LOXL1: variants seen among roughly 807,000 people sequenced by gnomAD.
The protein encoded by LOXL1 is lysyl oxidase like 1.
Under a neutral mutation model 62.2 loss-of-function variants are expected in LOXL1, and 31 were observed. The observed-to-expected ratio is 0.50, with a 90% confidence interval of 0.37 to 0.67. The LOEUF is 0.67. Among genes scored for constraint, LOXL1 ranks in the 30% least tolerant of loss-of-function variants. The probability of loss-of-function intolerance (pLI) is 0.00; values close to 1 mark genes in which losing one functional copy is unlikely to be tolerated. For missense variants in LOXL1, 775 were observed against 843.4 expected (o/e 0.92, Z 1.00); for synonymous variants, 403 against 384.4 (o/e 1.05, Z -0.56).
chr15:73,933,821 C>T (rs1002049639), intron 1 of LOXL1, among the ~76,000 whole-genome samples: 2 of 152,266 alleles, frequency 1.3e-5, no homozygotes, highest in Admixed American at 6.5e-5. Context: ...TGCAGAAGAG[C>T]AGTCAGGGTT....
chr15:73,927,234 C>G lies in LOXL1; in HGVS notation c.451C>G (p.His151Asp). 6.3e-7 allele frequency: 1 copy of G among 1,597,792 alleles called. No individual in the cohort carries two copies. Among genetic ancestry groups the G allele is most frequent in the Non-Finnish European group, 8.5e-7 (1 of 1,176,714 alleles). Reference sequence around the variant, plus strand: ...CCGCACCTCCGTCTCCCAGCAACGGCACGGGGGCTCCGCCTCCTCGGTCTC... The same window carrying G: ...CCGCACCTCCGTCTCCCAGCAACGGGACGGGGGCTCCGCCTCCTCGGTCTC... The part of the protein sequence containing the change: ...RARTSVSQQR[H>D]GGSASSVSAS... The change falls in exon 1 of 7, where the codon CAC (histidine) becomes GAC (aspartate). Residue 151 changes from histidine to aspartate, a missense_variant. His to Asp is a moderately conservative substitution (Grantham distance 81, BLOSUM62 -1). Transcript: ENST00000261921.
intron 1 of LOXL1, among the ~76,000 whole-genome samples, chr15:73,941,575 C>A (rs1414787693): frequency 6.6e-6 from 1 of 152,226 alleles, no homozygotes; most frequent in African/African-American, 2.4e-5. Context: ...TTCCTGAATC[C>A]CTCAAGAGCA....
rs1484217335 is a variant in LOXL1 at position 73,940,360 on chromosome 15, G to T, written c.1103-2494G>T. Among the ~76,000 whole-genome samples, 3 of 151,848 alleles carry T rather than the reference G, an allele frequency of 2.0e-5. No individual in the cohort carries two copies. In the East Asian group the frequency reaches 5.8e-4, roughly 29 times the overall value. The stretch of plus-strand genomic sequence containing the variant: ...TCTCTCTTCCAATTCTCCACATGCA[G>T]TACTCTACAAATGCCCCTCCTCCAT... On this transcript the variant is annotated intron_variant, in intron 1 of 6. Transcript: ENST00000261921.
At chr15:73,938,926 A>G (rs1370752258) in intron 1 of LOXL1, among the ~76,000 whole-genome samples, 2 of 152,092 alleles carry the variant, frequency 1.3e-5, no homozygotes, top group African/African-American at 4.8e-5. Flanking sequence ...CTGGATATGT[A>G]CCTTCACCAG....
chr15:73,942,936 T>C lies in LOXL1; in HGVS notation c.1185T>C (p.Cys395=). The C allele has an allele frequency of 6.2e-7, 1 of 1,613,872 alleles. No individual in the cohort carries two copies. The highest frequency in any genetic ancestry group is 8.5e-7 in the Non-Finnish European group (1 of 1,179,774). Residue 395 remains cysteine (C), a synonymous_variant, in exon 2 of 7, where the codon TGT becomes TGC. Coordinates refer to ENST00000261921, the MANE Select transcript of LOXL1 (RefSeq NM_005576.4). The part of the protein sequence containing the change: ...VQRAHLYSLR[C]AAEEKCLAST... ...GAGCCCACCTGTACTCCCTGCGCTG[T>C]GCTGCGGAGGAGAAGTGTCTGGCCA...
chr15:73,926,817 G>A lies in LOXL1; in HGVS notation c.34G>A (p.Ala12Thr), dbSNP rs769399676. ...GGCCCGAGGCAGCCGGCAGCTGGGG[G>A]CCCTGGTGTGGGGCGCCTGCCTGTG... is the stretch of plus-strand genomic sequence containing the variant. Reference protein sequence around the residue: ...ALARGSRQLGALVWGACLCVL... With the variant: ...ALARGSRQLGTLVWGACLCVL... The change falls in exon 1 of 7, where the codon GCC becomes ACC. Residue 12 changes from alanine (A) to threonine (T), a missense_variant. Coordinates refer to ENST00000261921, the MANE Select transcript of LOXL1 (RefSeq NM_005576.4). The A allele has an allele frequency of 3.5e-5, 53 of 1,504,130 alleles. No homozygotes were observed. The highest frequency in any genetic ancestry group is 9.0e-5 in the South Asian group (7 of 77,928). The allele number at this position is 1,504,130 out of a possible 1,614,324, so 93.2% of individuals were successfully genotyped here.
chr15:73,940,143 A>G (rs939835567), intron 1 of LOXL1, among the ~76,000 whole-genome samples: 3 of 141,478 alleles, frequency 2.1e-5, no homozygotes, highest in Non-Finnish European at 4.7e-5. Flanking sequence ...GTGTAGATCA[A>G]TACAGATGGG....
chr15:73,932,044 C>T (rs891916192), intron 1 of LOXL1, among the ~76,000 whole-genome samples: 23 of 152,086 alleles, frequency 1.5e-4, no homozygotes, highest in African/African-American at 4.3e-4. Context: ...AGGGTACAGC[C>T]GAGCTTGAAT....
rs575955522 is a variant in LOXL1, at chr15:73,931,813, A to G, written c.1102+3928A>G. On this transcript the variant is annotated intron_variant, in intron 1 of 6. Coordinates refer to ENST00000261921, the MANE Select transcript of LOXL1 (RefSeq NM_005576.4). ...CGCCTTCCCCTGCAGAGTTTGGAGT[A>G]GATGCAGGGAAGGACCAAAGCAGGC... is the stretch of plus-strand genomic sequence containing the variant. Among the ~76,000 whole-genome samples, 4 of 152,314 alleles carry G rather than the reference A, an allele frequency of 2.6e-5. No homozygotes were observed. In the South Asian group the frequency reaches 6.2e-4, roughly 24 times the overall value.
chr15:73,928,249 A>C, intron 1 of LOXL1: 1 of 227,790 alleles, frequency 4.4e-6, no homozygotes, highest in Non-Finnish European at 8.5e-6. Flanking sequence ...CCCTCATTTC[A>C]ATGAGGGCAT....
At chr15:73,951,471 G>A (rs2141640796) in intron 6 of LOXL1, among the ~76,000 whole-genome samples, 1 of 152,194 alleles carries the variant, frequency 6.6e-6, no homozygotes, top group South Asian at 2.1e-4. Flanking sequence ...ACTGACGCCT[G>A]TGGGTTTCCA....
chr15:73,933,272 G>A (rs1417108802), intron 1 of LOXL1, among the ~76,000 whole-genome samples: 1 of 152,150 alleles, frequency 6.6e-6, no homozygotes, highest in African/African-American at 2.4e-5. Context: ...AAGGTCTCAG[G>A]GTTAATGAGT....
intron 1 of LOXL1, among the ~76,000 whole-genome samples, chr15:73,942,566 C>T (rs1308732184): frequency 6.6e-6 from 1 of 152,122 alleles, no homozygotes; most frequent in Non-Finnish European, 1.5e-5. Flanking sequence ...CTCTCTGATT[C>T]TCTAAATCCT....
At chr15:73,935,455 T>C (rs931871314) in intron 1 of LOXL1, among the ~76,000 whole-genome samples, 3 of 152,156 alleles carry the variant, frequency 2.0e-5, no homozygotes, top group Non-Finnish European at 4.4e-5. Context: ...GCGTAAGTTT[T>C]GTAAGAAATA....
intron 1 of LOXL1, among the ~76,000 whole-genome samples, chr15:73,932,619 G>C (rs1173652327): frequency 1.3e-5 from 2 of 152,180 alleles, no homozygotes; most frequent in African/African-American, 4.8e-5. Context: ...CAGAACGTTT[G>C]TGTAACAAAC....
chr15:73,936,384 C>T (rs1008707627), intron 1 of LOXL1, among the ~76,000 whole-genome samples: 8 of 152,184 alleles, frequency 5.3e-5, no homozygotes, highest in African/African-American at 1.4e-4. Context: ...AGCCAGCTCC[C>T]GCCGTGGAGG....
chr15:73,940,259 G>A lies in LOXL1; in HGVS notation c.1103-2595G>A, dbSNP rs116606149. Among the ~76,000 whole-genome samples, 244 of 152,280 alleles carry A rather than the reference G, an allele frequency of 1.6e-3. 3 individuals are homozygous for A. Among genetic ancestry groups the A allele is most frequent in the African/African-American group, 5.5e-3 (227 of 41,546 alleles). On this transcript the variant is annotated intron_variant, in intron 1 of 6. Coordinates refer to ENST00000261921, the MANE Select transcript of LOXL1 (RefSeq NM_005576.4). Reference sequence around the variant, plus strand: ...TGAGCCTGAGATTCCTCAACAGTAAGAGGAAGAAGATGATCATCTGTAGCG... The same window carrying A: ...TGAGCCTGAGATTCCTCAACAGTAAAAGGAAGAAGATGATCATCTGTAGCG...
At chr15:73,939,099 G>A (rs956470208) in intron 1 of LOXL1, among the ~76,000 whole-genome samples, 11 of 152,026 alleles carry the variant, frequency 7.2e-5, no homozygotes, top group African/African-American at 2.7e-4. Context: ...TACACTGATC[G>A]TGTCCACTAG....
At chr15:73,935,377 A>C (rs1319482096) in intron 1 of LOXL1, among the ~76,000 whole-genome samples, 1 of 152,216 alleles carries the variant, frequency 6.6e-6, no homozygotes, top group African/African-American at 2.4e-5. Context: ...GGGATCACAC[A>C]GTGGTTTATG....
Sources: allele counts gnomAD v4.1 joint callset (sites outside exome capture counted in the v4.1 genomes callset), GRCh38; gene constraint gnomAD v4.1.1; transcripts MANE v1.5; gene names NCBI Gene and HGNC (gene_info 2026-07-23, HGNC 2026-07-21).